The following LRBA variants were observed in gnomAD, a reference collection of about 807,000 sequenced individuals.
LRBA encodes LPS responsive beige-like anchor protein.
In LRBA, 176 loss-of-function variants were observed where a neutral mutation model predicts 330.0. The ratio of observed to expected loss-of-function variants is 0.53; its 90% CI spans 0.47 to 0.60. The LOEUF (loss-of-function observed/expected upper bound fraction) is 0.60. Ranked by LOEUF, LRBA falls within the 20% of genes least tolerant of loss-of-function variation. LRBA has a pLI of 0.00. For synonymous variants in LRBA, 1,230 were observed against 1,193.0 expected (o/e 1.03, Z -0.64); for missense variants, 3,259 against 3,444.8 (o/e 0.95, Z 1.35).
At chr4:150,836,965 A>AG (rs1748200868) in intron 28 of LRBA, among the ~76,000 whole-genome samples, 1 of 152,086 alleles carries the variant, frequency 6.6e-6, no homozygotes, top group South Asian at 2.1e-4. Flanking sequence ...CACTGCTTTA[A>AG]ATGTGTCCCA....
intron 47 of LRBA, 69 bp from the exon 48 acceptor site, chr4:150,350,228 C>A: frequency 8.2e-7 from 1 of 1,223,672 alleles, no homozygotes. Flanking sequence ...ACATTTAGAG[C>A]AATCAGTAAA....
chr4:150,549,333 A>AT (rs1210978623), intron 40 of LRBA, among the ~76,000 whole-genome samples: 1 of 143,142 alleles, frequency 7.0e-6, no homozygotes, highest in East Asian at 2.2e-4. Flanking sequence ...ATTTTATTTT[A>AT]TTTTTTTATT....
chr4:150,909,748 T>C (rs974470547), intron 9 of LRBA, among the ~76,000 whole-genome samples: 1 of 152,166 alleles, frequency 6.6e-6, no homozygotes, highest in African/African-American at 2.4e-5. Flanking sequence ...TTGTTGTCCA[T>C]AGCAGCTGCA....
chr4:150,853,256 C>T (rs1200109303), intron 22 of LRBA, among the ~76,000 whole-genome samples: 4 of 152,082 alleles, frequency 2.6e-5, no homozygotes, highest in Non-Finnish European at 5.9e-5. Flanking sequence ...TAACTTGTAC[C>T]AGAATTTAAG....
intron 36 of LRBA, among the ~76,000 whole-genome samples, chr4:150,723,181 G>A (rs556794249): frequency 1.5e-3 from 232 of 152,288 alleles, no homozygotes; most frequent in African/African-American, 5.4e-3. Flanking sequence ...CTCAGGGCCA[G>A]TGAACTAGGG....
intron 34 of LRBA, among the ~76,000 whole-genome samples, chr4:150,779,734 C>T (rs953163542): frequency 4.5e-4 from 68 of 151,996 alleles, no homozygotes; most frequent in African/African-American, 1.6e-3. Flanking sequence ...ATTAGCTTGC[C>T]TCAATCATTT....
chr4:151,008,192 T>C (rs528860977), intron 2 of LRBA, among the ~76,000 whole-genome samples: 1 of 151,680 alleles, frequency 6.6e-6, no homozygotes, highest in Non-Finnish European at 1.5e-5. Context: ...GCAATTCTCC[T>C]GCCTCAGCCT....
At chr4:150,933,067 T>C (rs561049720) in intron 2 of LRBA, among the ~76,000 whole-genome samples, 2 of 152,240 alleles carry the variant, frequency 1.3e-5, no homozygotes, top group African/African-American at 2.4e-5. Flanking sequence ...AACTTCATTG[T>C]ATTGACTCTT....
At position 150,683,657 on chromosome 4, in the gene LRBA, T is replaced by C. The variant is rs1030137065; in HGVS notation, c.5815A>G (p.Ile1939Val). 6.2e-7 allele frequency: 1 copy of C among 1,613,652 alleles called. No individual in the cohort carries two copies. The highest frequency in any genetic ancestry group is 1.3e-5 in the African/African-American group (1 of 74,876). The change falls in exon 37 of 57, where the codon ATA (isoleucine) becomes GTA (valine). Residue 1939 changes from isoleucine (I) to valine (V), a missense_variant. By Grantham distance (29) the Ile-to-Val change is conservative (BLOSUM62 3). Coordinates refer to ENST00000651943, the MANE Select transcript of LRBA (RefSeq NM_001364905.1). The stretch of plus-strand genomic sequence containing the variant: ...TGGTCACGATATTTTGCTGCTCTTA[T>C]CAAATGATCACACATCTTCTCATCT... ...REDEKMCDHL[I>V]RAAKYRDHVT...
At chr4:150,671,406 T>A (rs2126867922) in intron 37 of LRBA, among the ~76,000 whole-genome samples, 1 of 152,314 alleles carries the variant, frequency 6.6e-6, no homozygotes, top group South Asian at 2.1e-4. Flanking sequence ...AGGAATCTTT[T>A]CCTTTTCGTA....
chr4:150,574,752 C>T (rs1770322200), intron 40 of LRBA, among the ~76,000 whole-genome samples: 2 of 151,980 alleles, frequency 1.3e-5, no homozygotes, highest in South Asian at 4.2e-4. Flanking sequence ...AGCATTTAAC[C>T]AAAAAGTTAC....
Position 150,584,028 on chromosome 4 carries a change from G to C in LRBA, c.6330+4020C>G, listed in dbSNP as rs768204456. On this transcript the variant is annotated intron_variant, in intron 40 of 56. Transcript: ENST00000651943. The stretch of plus-strand genomic sequence containing the variant: ...ACCTCTTTCAGGGCAAGCCCCATTC[G>C]GCCCTGGAGAGCGCTGCCAAGCAGA... 1.9e-6 allele frequency: 3 copies of C among 1,612,908 alleles called. No individual in the cohort carries two copies. The South Asian group carries it at 3.3e-5, about 18-fold the overall frequency.
chr4:151,007,668 T>C (rs1359005802), intron 2 of LRBA, among the ~76,000 whole-genome samples: 2 of 151,216 alleles, frequency 1.3e-5, no homozygotes, highest in Non-Finnish European at 2.9e-5. Flanking sequence ...CCATCCTGGC[T>C]AACACGGTGA....
intron 5 of LRBA, among the ~76,000 whole-genome samples, chr4:150,917,173 ATCTGAAAGAAGACTCTT>A (rs1430752069): frequency 1.3e-4 from 19 of 151,944 alleles, no homozygotes; most frequent in Non-Finnish European, 4.4e-5. Context: ...ATATATATAT[ATCTGAAAGAAGACTCTT>A]TATCTGGAAG....
Position 150,848,895 on chromosome 4 carries a change from C to T in LRBA, c.4262G>A (p.Ser1421Asn), listed in dbSNP as rs746951120. The T allele has an allele frequency of 3.1e-6, 5 of 1,613,396 alleles. No individual in the cohort carries two copies. In the South Asian group the frequency reaches 5.5e-5, roughly 18 times the overall value. Residue 1421 changes from serine to asparagine, a missense_variant, in exon 26 of 57, where the codon AGT becomes AAT. Coordinates refer to ENST00000651943, the MANE Select transcript of LRBA (RefSeq NM_001364905.1). The part of the protein sequence containing the change: ...ISLVDVLIFA[S>N]SLGFTEIEAE... ...TTCAATTTCAGTAAAGCCAAGAGAA[C>T]TTGCAAATATAAGCACATCCACAAG... is the stretch of plus-strand genomic sequence containing the variant.
Position 150,906,085 on chromosome 4 carries a change from T to C in LRBA, c.1603-95A>G, listed in dbSNP as rs1044342181. ...CCAGGAAAAAAACTGGCCCACAAAT[T>C]ATGCTCAAAGTTAAAGATGCCATGA... is the stretch of plus-strand genomic sequence containing the variant. On this transcript the variant is annotated intron_variant, in intron 12 of 56. Coordinates refer to ENST00000651943, the MANE Select transcript of LRBA (RefSeq NM_001364905.1). The C allele has an allele frequency of 7.6e-5, 82 of 1,085,972 alleles. No homozygotes were observed. The African/African-American group carries it at 1.2e-3, about 16-fold the overall frequency. 67.3% of individuals were successfully genotyped at this position (1,085,972 alleles called of 1,614,324 possible). A position where few individuals can be genotyped will look rare whatever the true frequency, so the allele number is the denominator to read the frequency against.
intron 31 of LRBA, among the ~76,000 whole-genome samples, chr4:150,808,680 T>A (rs546129463): frequency 1.3e-5 from 2 of 152,326 alleles, no homozygotes; most frequent in African/African-American, 4.8e-5. Context: ...TCACAATTCC[T>A]TCTACTCAAC....
chr4:150,321,888 A>C lies in LRBA; in HGVS notation c.7453-520T>G, dbSNP rs369854139. Among the ~76,000 whole-genome samples the C allele has an allele frequency of 6.6e-6, 1 of 152,220 alleles. No individual in the cohort carries two copies. The highest frequency in any genetic ancestry group is 1.9e-4 in the East Asian group (1 of 5,200). Reference sequence around the variant, plus strand: ...CAACTACAAAGAGGTAATGAAAACAAATACATTTATAAACAATAGTTAGAC... The same window carrying C: ...CAACTACAAAGAGGTAATGAAAACACATACATTTATAAACAATAGTTAGAC... On this transcript the variant is annotated intron_variant, in intron 49 of 56. Coordinates refer to ENST00000651943, the MANE Select transcript of LRBA (RefSeq NM_001364905.1). This position sits in a 1 kb window ranked among gnomAD's most constrained non-coding sequence, Gnocchi z 4.5.
intron 4 of LRBA, among the ~76,000 whole-genome samples, chr4:150,923,175 T>C (rs1252761181): frequency 9.6e-6 from 1 of 104,544 alleles, no homozygotes; most frequent in Non-Finnish European, 2.2e-5. Context: ...TTTCACACCA[T>C]CGTAAAGTCA....
Sources: gnomAD v4.1 joint callset for allele counts (sites outside exome capture counted in the v4.1 genomes callset) on GRCh38, gnomAD v4.1.1 for gene constraint, Gnocchi (gnomAD v3.1) non-coding constraint, MANE v1.5 for transcripts, NCBI Gene and HGNC (gene_info 2026-07-23, HGNC 2026-07-21) for gene names.